The following WWP1 variants were observed in gnomAD, a reference collection of about 807,000 sequenced individuals.
WWP1 encodes the protein WW domain containing E3 ubiquitin protein ligase 1.
Under a neutral mutation model 130.6 loss-of-function variants are expected in WWP1, and 49 were observed. That is an observed-to-expected ratio of 0.38 (90% confidence interval 0.30 to 0.48). The LOEUF (loss-of-function observed/expected upper bound fraction) is 0.48, where lower values mean the gene tolerates loss of function less well. WWP1 is among the 20% of genes least tolerant of loss of function. The pLI, the probability that WWP1 is intolerant of heterozygous loss-of-function variation, is 0.99. For synonymous variants in WWP1, 332 were observed against 367.8 expected (o/e 0.90, Z 1.11); for missense variants, 809 against 1,100.6 (o/e 0.74, Z 3.75).
chr8:86,414,451 TG>T (rs891831580), intron 9 of WWP1, among the ~76,000 whole-genome samples: 1 of 152,152 alleles, frequency 6.6e-6, no homozygotes, highest in Admixed American at 6.5e-5. Context: ...TGATAAGTTG[TG>T]GGGAGATAGA....
intron 16 of WWP1, among the ~76,000 whole-genome samples, chr8:86,436,802 G>A (rs182214487): frequency 7.9e-4 from 120 of 152,204 alleles, no homozygotes; most frequent in Middle Eastern, 6.8e-3. Flanking sequence ...ACCAAATTAT[G>A]CTGTGTACTC....
chr8:86,388,418 G>A (rs967043416), intron 5 of WWP1, among the ~76,000 whole-genome samples: 4 of 152,042 alleles, frequency 2.6e-5, no homozygotes, highest in African/African-American at 9.7e-5. Flanking sequence ...TTTTTGTAAG[G>A]ATCAATTCTG....
intron 9 of WWP1, among the ~76,000 whole-genome samples, chr8:86,424,489 C>G (rs1189950828): frequency 3.3e-5 from 5 of 151,302 alleles, no homozygotes; most frequent in African/African-American, 9.7e-5. Flanking sequence ...GCCGAGATCA[C>G]GCCACTGCAC....
At chr8:86,455,089 A>G (rs1811364987) in intron 21 of WWP1, among the ~76,000 whole-genome samples, 1 of 152,046 alleles carries the variant, frequency 6.6e-6, no homozygotes, top group African/African-American at 2.4e-5. Flanking sequence ...GCCCTTTTAT[A>G]GGTTAACATC....
At chr8:86,346,844 G>C (rs889599086) in intron 1 of WWP1, among the ~76,000 whole-genome samples, 2 of 152,066 alleles carry the variant, frequency 1.3e-5, no homozygotes, top group African/African-American at 4.8e-5. Flanking sequence ...AACATACACA[G>C]ATGAATTTTA....
intron 9 of WWP1, among the ~76,000 whole-genome samples, chr8:86,425,002 G>A (rs1429288284): frequency 1.3e-5 from 2 of 151,954 alleles, no homozygotes; most frequent in Admixed American, 6.6e-5. Flanking sequence ...TTCCAATACT[G>A]TAATAAAAAG....
intron 9 of WWP1, among the ~76,000 whole-genome samples, chr8:86,421,929 G>A (rs762662521): frequency 6.6e-6 from 1 of 152,184 alleles, no homozygotes; most frequent in Non-Finnish European, 1.5e-5. Flanking sequence ...AAGGGAGGTA[G>A]AAGGAAAGAG....
chr8:86,463,112 C>CT lies in WWP1; in HGVS notation c.2669+1267dup, dbSNP rs751571385. Among the ~76,000 whole-genome samples the CT allele has an allele frequency of 5.3e-5, 8 of 152,184 alleles. 1 individual carries two copies. The highest frequency in any genetic ancestry group is 3.9e-4 in the East Asian group (2 of 5,174). On this transcript the variant is annotated intron_variant, in intron 24 of 24. Transcript: ENST00000517970. The stretch of plus-strand genomic sequence containing the variant: ...CTAGCTTGCTTTCTTTTATGGAACA[C>CT]TATTTTTACTTGAAAGAATGACCCA...
chr8:86,455,040 A>G (rs1403853441), intron 21 of WWP1, among the ~76,000 whole-genome samples: 6 of 152,020 alleles, frequency 3.9e-5, no homozygotes, highest in Non-Finnish European at 8.8e-5. Context: ...ATGGTTATTT[A>G]TACTATTATT....
intron 5 of WWP1, among the ~76,000 whole-genome samples, chr8:86,392,721 G>A (rs977520703): frequency 7.9e-5 from 12 of 152,034 alleles, no homozygotes; most frequent in African/African-American, 2.9e-4. Context: ...TATTTGTTTA[G>A]TTTACTAAGA....
rs1184689692 is a variant in WWP1 at position 86,355,815 on chromosome 8, A to G, written c.-115+12885A>G. Among the ~76,000 whole-genome samples the G allele has an allele frequency of 2.6e-5, 4 of 152,258 alleles. No individual in the cohort carries two copies. The East Asian group carries it at 5.8e-4, about 22-fold the overall frequency. ...GACGTAAGCTTTAGTTGATAAGAGA[A>G]TAGTAACTTCAGATTGATACAGCAA... is the stretch of plus-strand genomic sequence containing the variant. On this transcript the variant is annotated intron_variant, in intron 1 of 24. Transcript: ENST00000517970.
intron 1 of WWP1, among the ~76,000 whole-genome samples, chr8:86,358,848 C>G (rs916768254): frequency 6.6e-6 from 1 of 151,842 alleles, no homozygotes; most frequent in African/African-American, 2.4e-5. Flanking sequence ...GGGCTAGAGG[C>G]TGGAATTACA....
At chr8:86,359,896 A>G (rs1023119219) in intron 1 of WWP1, among the ~76,000 whole-genome samples, 8 of 151,946 alleles carry the variant, frequency 5.3e-5, no homozygotes, top group African/African-American at 1.9e-4. Flanking sequence ...AAAAATACAA[A>G]AAATTAGCCG....
intron 2 of WWP1, among the ~76,000 whole-genome samples, chr8:86,370,356 T>C (rs1484536803): frequency 6.6e-6 from 1 of 152,206 alleles, no homozygotes; most frequent in African/African-American, 2.4e-5. Context: ...TGGAGACTTA[T>C]TTTTGGACTC....
At chr8:86,397,515 A>G (rs1360777040) in intron 5 of WWP1, among the ~76,000 whole-genome samples, 1 of 152,174 alleles carries the variant, frequency 6.6e-6, no homozygotes, top group Non-Finnish European at 1.5e-5. Flanking sequence ...TACTATGTAC[A>G]TTACATTGTG....
intron 17 of WWP1, chr8:86,440,531 C>T (rs1586468412): frequency 2.9e-6 from 1 of 347,660 alleles, no homozygotes; most frequent in Non-Finnish European, 5.6e-6. Context: ...AGGCCAGCCC[C>T]TTGTAAGAAC....
At chr8:86,437,893 G>A (rs534991830) in intron 16 of WWP1, among the ~76,000 whole-genome samples, 65 of 152,200 alleles carry the variant, frequency 4.3e-4, no homozygotes, top group Non-Finnish European at 7.9e-4. Context: ...TCCACCTCCC[G>A]GGTTCACACC....
intron 5 of WWP1, among the ~76,000 whole-genome samples, chr8:86,392,738 T>A (rs1807425654): frequency 6.6e-6 from 1 of 151,380 alleles, no homozygotes; most frequent in Non-Finnish European, 1.5e-5. Flanking sequence ...AAGACAAATT[T>A]TGTTTTATAA....
chr8:86,444,097 AC>A (rs1810734822), intron 18 of WWP1, among the ~76,000 whole-genome samples: 1 of 152,242 alleles, frequency 6.6e-6, no homozygotes, highest in Non-Finnish European at 1.5e-5. Context: ...ATCATTTGTA[AC>A]AATCCAGGTG....
Sources: allele counts gnomAD v4.1 joint callset (sites outside exome capture counted in the v4.1 genomes callset), GRCh38; gene constraint gnomAD v4.1.1; transcripts MANE v1.5; gene names NCBI Gene and HGNC (gene_info 2026-07-23, HGNC 2026-07-21).